TCF7L2: variants seen among roughly 807,000 people sequenced by gnomAD.
The protein encoded by TCF7L2 is transcription factor 7-like 2.
TCF7L2 carries 23 observed loss-of-function variants against 77.9 expected under a neutral mutation model. The observed-to-expected ratio is 0.30, with a 90% CI of 0.21 to 0.42. The LOEUF is 0.42. Ranked by LOEUF, TCF7L2 falls within the 10% of genes least tolerant of loss-of-function variation. The pLI, the probability that TCF7L2 is intolerant of heterozygous loss-of-function variation, is 1.00. For synonymous variants in TCF7L2, 413 were observed against 340.2 expected, an observed-to-expected ratio of 1.21 and a Z score of -2.36; for missense variants, 654 against 793.1, an observed-to-expected ratio of 0.82 and a Z score of 2.11.
intron 4 of TCF7L2, among the ~76,000 whole-genome samples, chr10:113,036,542 G>T (rs1273511375): frequency 6.6e-6 from 1 of 151,900 alleles, no homozygotes; most frequent in African/African-American, 2.4e-5. Flanking sequence ...TTGCTCACAG[G>T]TCCAAAGCTT....
chr10:113,157,205 G>A (rs1240308456), intron 11 of TCF7L2, among the ~76,000 whole-genome samples: 2 of 152,122 alleles, frequency 1.3e-5, no homozygotes, highest in South Asian at 4.1e-4. Flanking sequence ...TGCAACCTCC[G>A]CCTTCTGGGT....
intron 3 of TCF7L2, among the ~76,000 whole-genome samples, chr10:112,956,960 G>A (rs2134355232): frequency 6.6e-6 from 1 of 152,168 alleles, no homozygotes; most frequent in South Asian, 2.1e-4. Context: ...ACAATCTTGA[G>A]TTTACTGAGA....
chr10:113,078,457 A>G (rs1408386089), intron 5 of TCF7L2, among the ~76,000 whole-genome samples: 4 of 152,164 alleles, frequency 2.6e-5, no homozygotes, highest in Admixed American at 6.5e-5. Flanking sequence ...CTGAAGTGCA[A>G]TGGCCCAATC....
At chr10:113,010,049 A>G (rs910363896) in intron 4 of TCF7L2, among the ~76,000 whole-genome samples, 9 of 151,760 alleles carry the variant, frequency 5.9e-5, no homozygotes, top group African/African-American at 2.2e-4. Flanking sequence ...AGTTGGCTGG[A>G]ACACACCTTT....
chr10:113,010,295 A>G (rs1277966194), intron 4 of TCF7L2, among the ~76,000 whole-genome samples: 2 of 152,104 alleles, frequency 1.3e-5, no homozygotes, highest in Non-Finnish European at 2.9e-5. Flanking sequence ...ATCATGTATT[A>G]GGGCAGTGGT....
chr10:113,138,122 G>T (rs1418841942), intron 5 of TCF7L2, among the ~76,000 whole-genome samples: 6 of 152,186 alleles, frequency 3.9e-5, no homozygotes, highest in Non-Finnish European at 4.4e-5. Context: ...AGGAAGTTCT[G>T]TTCTTTCACA....
At chr10:113,051,293 A>G (rs549126641) in intron 5 of TCF7L2, among the ~76,000 whole-genome samples, 2 of 152,004 alleles carry the variant, frequency 1.3e-5, no homozygotes, top group South Asian at 4.2e-4. Flanking sequence ...CCTCATTTGT[A>G]GAAGGGTAAA....
chr10:112,951,131 A>T (rs2134188451), intron 1 of TCF7L2, 76 bp from the exon 2 acceptor site: 1 of 1,126,456 alleles, frequency 8.9e-7, no homozygotes, highest in Non-Finnish European at 1.3e-6. Flanking sequence ...GACCTCGCCG[A>T]TTCTTTTTCT....
rs144596312 is a variant in TCF7L2, at chr10:113,067,625, A to C, written c.552+27499A>C. Among the ~76,000 whole-genome samples, 551 of 152,336 alleles carry C rather than the reference A, an allele frequency of 3.6e-3. 5 individuals carry two copies. Among genetic ancestry groups the C allele is most frequent in the African/African-American group, 0.011 (468 of 41,570 alleles). Reference sequence around the variant, plus strand: ...ACGTTTAGATTTCAAGGAAACTTTCAGTGTGTTGAAAAATAAATTCTAAGG... The same window carrying C: ...ACGTTTAGATTTCAAGGAAACTTTCCGTGTGTTGAAAAATAAATTCTAAGG... On this transcript the variant is annotated intron_variant, in intron 5 of 13. Coordinates refer to ENST00000627217, the MANE Select transcript of TCF7L2 (RefSeq NM_001146274.2).
intron 4 of TCF7L2, among the ~76,000 whole-genome samples, chr10:113,019,467 G>A (rs2047928407): frequency 6.6e-6 from 1 of 152,166 alleles, no homozygotes; most frequent in Non-Finnish European, 1.5e-5. Context: ...TTTGGTCATA[G>A]GACTTCACTC....
rs564503196 is a variant in TCF7L2, at chr10:113,115,956, C to T, written c.553-25228C>T. 6.6e-5 allele frequency among the ~76,000 whole-genome samples: 10 copies of T among 152,106 alleles called. No individual in the cohort carries two copies. In the South Asian group the frequency reaches 1.2e-3, roughly 19 times the overall value. On this transcript the variant is annotated intron_variant, in intron 5 of 13. Coordinates refer to ENST00000627217, the MANE Select transcript of TCF7L2 (RefSeq NM_001146274.2). ...CCTCAAACAATATGAAGATGTGTAT[C>T]GATATAGCTCCTTACCTGTCTTCTA...
At chr10:112,966,719 T>G (rs1564722784) in intron 4 of TCF7L2, among the ~76,000 whole-genome samples, 1 of 152,334 alleles carries the variant, frequency 6.6e-6, no homozygotes, top group Admixed American at 6.5e-5. Flanking sequence ...GTGCCCCTTG[T>G]TAGGCCGAGC....
intron 5 of TCF7L2, among the ~76,000 whole-genome samples, chr10:113,055,726 A>G (rs1048479166): frequency 1.3e-5 from 2 of 152,206 alleles, no homozygotes; most frequent in Admixed American, 6.5e-5. Flanking sequence ...CCACAGGTGC[A>G]CATCACTGTG....
chr10:113,056,293 C>T (rs1274606751), intron 5 of TCF7L2, among the ~76,000 whole-genome samples: 2 of 152,178 alleles, frequency 1.3e-5, no homozygotes, highest in South Asian at 2.1e-4. Flanking sequence ...TGCTGAATAC[C>T]GCGCCTCATT....
At chr10:113,134,169 A>G (rs910483426) in intron 5 of TCF7L2, among the ~76,000 whole-genome samples, 2 of 152,226 alleles carry the variant, frequency 1.3e-5, no homozygotes, top group African/African-American at 4.8e-5. Flanking sequence ...GCAACATTCA[A>G]CTAAGGAAGA....
In TCF7L2 at chr10:113,151,391, C is replaced by T. The variant is rs1302218579; in HGVS notation, c.1001+268C>T. 6.6e-6 allele frequency among the ~76,000 whole-genome samples: 1 copy of T among 152,104 alleles called. No homozygotes were observed. The highest frequency in any genetic ancestry group is 2.4e-5 in the African/African-American group (1 of 41,414). On this transcript the variant is annotated intron_variant, in intron 9 of 13. Transcript: ENST00000627217. The surrounding 1 kb of genome is among the most constrained non-coding windows in gnomAD (Gnocchi z 5.2). ...GGATTTGCAACCACTTCCCTGCCCCCTAACCGCATCATTGAACATTTAGAG... is the reference window on the plus strand; with the variant it reads ...GGATTTGCAACCACTTCCCTGCCCCTTAACCGCATCATTGAACATTTAGAG...
chr10:113,057,929 G>C (rs1454699381), intron 5 of TCF7L2, among the ~76,000 whole-genome samples: 1 of 152,186 alleles, frequency 6.6e-6, no homozygotes, highest in Non-Finnish European at 1.5e-5. Context: ...GACCAGGCTG[G>C]GGGCTGTTTG....
chr10:113,066,863 A>C (rs2135084405), intron 5 of TCF7L2, among the ~76,000 whole-genome samples: 1 of 152,370 alleles, frequency 6.6e-6, no homozygotes, highest in Admixed American at 6.5e-5. Context: ...GCTTCTCCAT[A>C]AGCACACCAT....
At chr10:113,160,880 CT>C (rs2073058534) in intron 13 of TCF7L2, among the ~76,000 whole-genome samples, 1 of 152,210 alleles carries the variant, frequency 6.6e-6, no homozygotes, top group African/African-American at 2.4e-5. Flanking sequence ...CTCTTTCTCT[CT>C]TTTCCCCCTG....
Sources: gnomAD v4.1 joint callset for allele counts (sites outside exome capture counted in the v4.1 genomes callset) on GRCh38, gnomAD v4.1.1 for gene constraint, Gnocchi (gnomAD v3.1) non-coding constraint, MANE v1.5 for transcripts, NCBI Gene and HGNC (gene_info 2026-07-23, HGNC 2026-07-21) for gene names.